Variants in ZNF782 observed in about 807,000 individuals in gnomAD.
The protein encoded by ZNF782 is zinc finger protein 782.
Under a neutral mutation model 13.0 loss-of-function variants are expected in ZNF782, and 12 were observed. The observed-to-expected ratio is 0.92, with a 90% CI of 0.59 to 1.50. The LOEUF (loss-of-function observed/expected upper bound fraction) is 1.50. Ranked by LOEUF, ZNF782 falls within the 40% of genes most tolerant of loss-of-function variation. ZNF782 has a pLI of 0.00. For missense variants in ZNF782, 770 were observed against 822.9 expected (o/e 0.94, Z 0.79); for synonymous variants, 284 against 283.0 (o/e 1.00, Z -0.04).
At chr9:96,925,498 C>T in the ZNF782 span, among the ~76,000 whole-genome samples, 13 of 151,978 alleles carry the variant, frequency 8.6e-5, no homozygotes, top group East Asian at 2.1e-3. Context: ...ATTAGCCAGG[C>T]GTGGTGGCGC....
At chr9:96,896,812 C>G in the ZNF782 span, among the ~76,000 whole-genome samples, 1 of 152,202 alleles carries the variant, frequency 6.6e-6, no homozygotes, top group Non-Finnish European at 1.5e-5. Flanking sequence ...CTTGAAGTGT[C>G]AGTGGCAGAT....
intron 2 of ZNF782, 31 bp downstream of exon 2, chr9:96,852,822 C>T (rs1440528426): frequency 3.3e-5 from 5 of 152,580 alleles, no homozygotes; most frequent in Non-Finnish European, 7.3e-5. Context: ...TCTCAAAAGG[C>T]CCTTTGGATA....
chr9:96,869,472 G>A (rs1851799042), intron 1 of ZNF782, among the ~76,000 whole-genome samples: 1 of 152,152 alleles, frequency 6.6e-6, no homozygotes, highest in African/African-American at 2.4e-5. Context: ...ATACCACAGT[G>A]CAGTGAGTCC....
intron 1 of ZNF782, among the ~76,000 whole-genome samples, chr9:96,869,875 A>G (rs1187374695): frequency 1.3e-5 from 2 of 152,182 alleles, no homozygotes; most frequent in Non-Finnish European, 2.9e-5. Flanking sequence ...TAACTACTAC[A>G]GATTGGGTAG....
At chr9:96,865,296 C>A (rs1445071875) in intron 1 of ZNF782, among the ~76,000 whole-genome samples, 1 of 152,066 alleles carries the variant, frequency 6.6e-6, no homozygotes, top group African/African-American at 2.4e-5. Context: ...TGGGAGGGAC[C>A]CAGTGGGAGT....
the ZNF782 span, chr9:96,895,335 TAA>T: frequency 6.6e-6 from 1 of 152,054 alleles, no homozygotes; most frequent in Non-Finnish European, 1.5e-5. Context: ...TCCATAGAAA[TAA>T]AAGAGATGGA....
chr9:96,860,412 A>G (rs1046966616), exon 3 of ZNF782: 2 of 152,274 alleles, frequency 1.3e-5, no homozygotes, highest in African/African-American at 4.8e-5. Flanking sequence ...AACTCCAGGC[A>G]GCCTAGCACA....
In ZNF782 at chr9:96,867,030, T is replaced by C. The variant is rs193079415; in HGVS notation, c.-456-5427A>G. ...CAGAAGGGACTTGCCTTGTCTCAGA[T>C]GAGACTTTGGACTGTGGACTTGTGA... is the stretch of plus-strand genomic sequence containing the variant. On this transcript the variant is annotated intron_variant, in intron 1 of 5. Transcript: ENST00000498811. Among the ~76,000 whole-genome samples, 15 of 152,348 alleles carry C rather than the reference T, an allele frequency of 9.8e-5. No individual in the cohort carries two copies. The East Asian group carries it at 2.9e-3, about 29-fold the overall frequency.
At chr9:96,925,076 G>T in the ZNF782 span, among the ~76,000 whole-genome samples, 7 of 152,184 alleles carry the variant, frequency 4.6e-5, no homozygotes, top group African/African-American at 1.7e-4. Context: ...AGCTAAGGCC[G>T]TTGGGTAACC....
At chr9:96,930,129 TGGTTCTTC>T in the ZNF782 span, among the ~76,000 whole-genome samples, 1 of 151,984 alleles carries the variant, frequency 6.6e-6, no homozygotes, top group Non-Finnish European at 1.5e-5. Flanking sequence ...CAAGAACCCC[TGGTTCTTC>T]GTTGGTCCCT....
the ZNF782 span, among the ~76,000 whole-genome samples, chr9:96,915,450 G>A: frequency 4.0e-5 from 6 of 150,150 alleles, no homozygotes; most frequent in African/African-American, 1.5e-4. Flanking sequence ...AGGCCAAGGC[G>A]GGCAGATCAC....
intron 4 of ZNF782, among the ~76,000 whole-genome samples, chr9:96,833,962 G>A (rs1021806230): frequency 1.3e-5 from 2 of 152,104 alleles, no homozygotes; most frequent in East Asian, 1.9e-4. Flanking sequence ...GTTCTTTGAC[G>A]TATCCCCTGC....
At chr9:96,826,273 A>T (rs556532783) in intron 5 of ZNF782, among the ~76,000 whole-genome samples, 1 of 152,206 alleles carries the variant, frequency 6.6e-6, no homozygotes, top group African/African-American at 2.4e-5. Context: ...ATTGGAAATC[A>T]TCATTCTCAG....
At chr9:96,894,889 A>T in the ZNF782 span, 1 of 152,040 alleles carries the variant, frequency 6.6e-6, no homozygotes, top group Non-Finnish European at 1.5e-5. Flanking sequence ...ATACCTGGCT[A>T]ATTTTAAAAA....
At chr9:96,921,291 T>C in the ZNF782 span, among the ~76,000 whole-genome samples, 5 of 148,568 alleles carry the variant, frequency 3.4e-5, no homozygotes, top group Non-Finnish European at 4.4e-5. Context: ...TCCCAGCACT[T>C]TGGGAGGCTG....
chr9:96,869,701 AT>A, intron 1 of ZNF782, among the ~76,000 whole-genome samples: 1 of 152,288 alleles, frequency 6.6e-6, no homozygotes, highest in South Asian at 2.1e-4. Flanking sequence ...TAAAATAGGC[AT>A]TTTCGGTAGT....
chr9:96,875,933 G>C (rs114331523), upstream of ZNF782, among the ~76,000 whole-genome samples: 1 of 152,192 alleles, frequency 6.6e-6, no homozygotes, highest in African/African-American at 2.4e-5. Context: ...AGAGTGTGGC[G>C]CGCGAGCCAT....
At chr9:96,879,155 T>G (rs772483661), upstream of ZNF782, among the ~76,000 whole-genome samples, 1 of 152,124 alleles carries the variant, frequency 6.6e-6, no homozygotes, top group Non-Finnish European at 1.5e-5. Context: ...ATAAAAGAGA[T>G]AAAAATCCTC....
chr9:96,885,304 G>T, the ZNF782 span, among the ~76,000 whole-genome samples: 1 of 151,970 alleles, frequency 6.6e-6, no homozygotes, highest in African/African-American at 2.4e-5. Context: ...ATTACAAAAA[G>T]AAACCAAATA....
Sources: gnomAD v4.1 joint callset for allele counts (sites outside exome capture counted in the v4.1 genomes callset) on GRCh38, gnomAD v4.1.1 for gene constraint, MANE v1.5 for transcripts, NCBI Gene and HGNC (gene_info 2026-07-23, HGNC 2026-07-21) for gene names.